Variants in PCCA observed in about 807,000 individuals in gnomAD.
The protein encoded by PCCA is propionyl-CoA carboxylase subunit alpha, also known as propionyl-CoA carboxylase alpha chain, mitochondrial.
A neutral mutation model predicts 101.3 loss-of-function variants in PCCA; 74 were observed. The ratio of observed to expected loss-of-function variants is 0.73; its 90% CI spans 0.61 to 0.89. The LOEUF is 0.89. PCCA is among the 40% of genes least tolerant of loss of function. The pLI is 0.00. For missense variants in PCCA, 891 were observed against 907.0 expected (o/e 0.98, Z 0.23); for synonymous variants, 294 against 313.6 (o/e 0.94, Z 0.66).
chr13:100,266,595 C>T (rs1880131112), intron 10 of PCCA, among the ~76,000 whole-genome samples: 2 of 152,278 alleles, frequency 1.3e-5, no homozygotes, highest in South Asian at 2.1e-4. Flanking sequence ...ATGCAGGCAC[C>T]GTTACTGTTT....
intron 12 of PCCA, among the ~76,000 whole-genome samples, chr13:100,294,445 T>C (rs1237283577): frequency 1.3e-5 from 2 of 152,106 alleles, no homozygotes; most frequent in Admixed American, 1.3e-4. Flanking sequence ...GTTTTCGTGG[T>C]CACTCTTTTT....
chr13:100,506,475 T>A (rs899884293), intron 21 of PCCA, among the ~76,000 whole-genome samples: 1 of 152,218 alleles, frequency 6.6e-6, no homozygotes, highest in Non-Finnish European at 1.5e-5. Flanking sequence ...ATCTTTACTT[T>A]CGTTTACTCT....
chr13:100,410,859 T>C (rs1426826489), intron 19 of PCCA, among the ~76,000 whole-genome samples: 1 of 152,198 alleles, frequency 6.6e-6, no homozygotes, highest in African/African-American at 2.4e-5. Flanking sequence ...TATTTTTTTC[T>C]ATAATATATA....
chr13:100,252,886 C>T (rs560234480), intron 8 of PCCA, among the ~76,000 whole-genome samples: 2 of 152,296 alleles, frequency 1.3e-5, no homozygotes, highest in African/African-American at 2.4e-5. Flanking sequence ...ATTCATTGCA[C>T]AGCAGCCAAA....
chr13:100,505,384 G>A (rs2085989668), intron 21 of PCCA, among the ~76,000 whole-genome samples: 1 of 152,146 alleles, frequency 6.6e-6, no homozygotes. Context: ...CAACCGTGGG[G>A]TCCCTCGCTG....
chr13:100,422,151 T>G (rs1333845288), intron 19 of PCCA, among the ~76,000 whole-genome samples: 5 of 147,174 alleles, frequency 3.4e-5, no homozygotes, highest in African/African-American at 1.0e-4. Context: ...TTTTTTTTTT[T>G]TGACAGCATT....
chr13:100,253,107 G>A (rs1196704430), intron 8 of PCCA, among the ~76,000 whole-genome samples: 4 of 152,188 alleles, frequency 2.6e-5, no homozygotes, highest in African/African-American at 7.2e-5. Flanking sequence ...TATTCCCTCC[G>A]TGTTATAGCA....
intron 7 of PCCA, among the ~76,000 whole-genome samples, chr13:100,223,652 C>T (rs1002953596): frequency 3.9e-5 from 6 of 152,098 alleles, no homozygotes; most frequent in East Asian, 3.9e-4. Flanking sequence ...ACTGCTGGCT[C>T]GGGCAGCCTG....
intron 6 of PCCA, among the ~76,000 whole-genome samples, chr13:100,174,218 C>G (rs146266800): frequency 1.6e-3 from 237 of 151,816 alleles, no homozygotes; most frequent in African/African-American, 5.5e-3. Context: ...TAATCACATG[C>G]CAGTAGGAGA....
chr13:100,118,764 G>T (rs2049075773), intron 4 of PCCA, among the ~76,000 whole-genome samples: 1 of 152,018 alleles, frequency 6.6e-6, no homozygotes, highest in Admixed American at 6.6e-5. Context: ...TCCCAGGCTG[G>T]TCTTGAACTC....
chr13:100,490,444 T>C (rs1024729719), intron 21 of PCCA: 2 of 152,254 alleles, frequency 1.3e-5, no homozygotes, highest in African/African-American at 4.8e-5. Flanking sequence ...TGGAGGGAGC[T>C]GAGTTCCTGT....
At chr13:100,418,658 C>A (rs993182163) in intron 19 of PCCA, among the ~76,000 whole-genome samples, 3 of 151,908 alleles carry the variant, frequency 2.0e-5, no homozygotes, top group African/African-American at 7.3e-5. Context: ...CATGGTGAAA[C>A]CCCGTCTCTA....
chr13:100,268,571 G>A (rs1218749841), intron 10 of PCCA, 118 bp from the exon 11 acceptor site: 2 of 777,876 alleles, frequency 2.6e-6, no homozygotes, highest in Admixed American at 1.7e-5. Flanking sequence ...TGAGAGGTAT[G>A]TATATACTAT....
At chr13:100,347,863 T>A (rs1407169982) in intron 18 of PCCA, among the ~76,000 whole-genome samples, 1 of 152,204 alleles carries the variant, frequency 6.6e-6, no homozygotes, top group African/African-American at 2.4e-5. Flanking sequence ...TATCACTTAT[T>A]TAGTATTATC....
At chr13:100,089,294 T>C in intron 1 of PCCA, 69 bp downstream of exon 1, 2 of 1,350,958 alleles carry the variant, frequency 1.5e-6, no homozygotes, top group South Asian at 3.7e-5. Context: ...TCTGGGCGGC[T>C]GGCGCCGGGA....
intron 18 of PCCA, among the ~76,000 whole-genome samples, chr13:100,356,835 A>G (rs1328595954): frequency 3.3e-5 from 5 of 152,210 alleles, no homozygotes; most frequent in African/African-American, 4.8e-5. Flanking sequence ...ATGAATGAGT[A>G]TATAATAGTA....
At chr13:100,273,698 A>G (rs2063461097) in intron 12 of PCCA, among the ~76,000 whole-genome samples, 1 of 152,138 alleles carries the variant, frequency 6.6e-6, no homozygotes, top group Non-Finnish European at 1.5e-5. Context: ...AAATCTTTGG[A>G]AGGATGGAGG....
intron 20 of PCCA, among the ~76,000 whole-genome samples, chr13:100,439,629 C>A (rs1472224603): frequency 6.6e-6 from 1 of 151,702 alleles, no homozygotes; most frequent in East Asian, 1.9e-4. Context: ...GTTTGTGTAC[C>A]GGGATTTAAT....
chr13:100,365,675 CAA>C (rs981035078), intron 18 of PCCA, among the ~76,000 whole-genome samples: 1 of 152,064 alleles, frequency 6.6e-6, no homozygotes, highest in African/African-American at 2.4e-5. Context: ...GATGAGAATC[CAA>C]AGTTTCTATA....
Sources: gnomAD v4.1 joint callset for allele counts (sites outside exome capture counted in the v4.1 genomes callset) on GRCh38, gnomAD v4.1.1 for gene constraint, MANE v1.5 for transcripts, NCBI Gene and HGNC (gene_info 2026-07-23, HGNC 2026-07-21) for gene names.